Variants in IL1RAPL2 observed in about 807,000 individuals in gnomAD.
IL1RAPL2 encodes interleukin 1 receptor accessory protein like 2.
Under a neutral mutation model 44.1 loss-of-function variants are expected in IL1RAPL2, and 3 were observed. The ratio of observed to expected loss-of-function variants is 0.07; its 90% CI spans 0.03 to 0.18. IL1RAPL2 has a LOEUF of 0.18. Ranked by LOEUF, IL1RAPL2 falls within the 10% of genes least tolerant of loss-of-function variation. The probability of loss-of-function intolerance (pLI) is 1.00; values close to 1 mark genes in which losing one functional copy is unlikely to be tolerated. For synonymous variants in IL1RAPL2, 181 were observed against 178.8 expected (o/e 1.01, Z -0.10); for missense variants, 391 against 496.4 (o/e 0.79, Z 2.02).
At chrX:104,785,847 G>A in intron 2 of IL1RAPL2, among the ~76,000 whole-genome samples, 1 of 112,292 alleles carries the variant, frequency 8.9e-6, no homozygotes, top group East Asian at 2.8e-4. Flanking sequence ...AGAAGCAAAT[G>A]TCGTGCATGC....
intron 6 of IL1RAPL2, among the ~76,000 whole-genome samples, chrX:105,692,590 A>T (rs1405740942): frequency 9.0e-6 from 1 of 110,560 alleles, no homozygotes; most frequent in Non-Finnish European, 1.9e-5. Context: ...TACTCAGATA[A>T]TTACAAAGCA....
chrX:105,083,445 A>G (rs184093428), intron 2 of IL1RAPL2, among the ~76,000 whole-genome samples: 1 of 111,525 alleles, frequency 9.0e-6, no homozygotes, highest in African/African-American at 3.3e-5. Flanking sequence ...TTCAGGAAAT[A>G]CAGAGAATAC....
chrX:105,021,478 C>T (rs1293597942), intron 2 of IL1RAPL2, among the ~76,000 whole-genome samples: 3 of 110,850 alleles, frequency 2.7e-5, no homozygotes, highest in Non-Finnish European at 3.8e-5. Flanking sequence ...AATTATAGAC[C>T]GCTCTGCTGT....
intron 6 of IL1RAPL2, among the ~76,000 whole-genome samples, chrX:105,541,074 G>C (rs764199050): frequency 7.1e-4 from 75 of 105,300 alleles, no homozygotes; most frequent in Middle Eastern, 4.9e-3. Flanking sequence ...TAGGGCAATA[G>C]CTTCCTACCT....
chrX:104,907,441 G>A (rs1366373312), intron 2 of IL1RAPL2, among the ~76,000 whole-genome samples: 12 of 110,594 alleles, frequency 1.1e-4, no homozygotes, highest in Non-Finnish European at 2.1e-4. Flanking sequence ...TGGGCATTTA[G>A]TGCTATAAAT....
chrX:104,787,631 C>T (rs1374675291), intron 2 of IL1RAPL2, among the ~76,000 whole-genome samples: 2 of 111,446 alleles, frequency 1.8e-5, no homozygotes, highest in Non-Finnish European at 3.8e-5. Flanking sequence ...TTCTGTGGTA[C>T]ACTTACATGT....
intron 5 of IL1RAPL2, among the ~76,000 whole-genome samples, chrX:105,467,744 T>C (rs753002433): frequency 9.0e-6 from 1 of 111,482 alleles, no homozygotes; most frequent in Non-Finnish European, 1.9e-5. Context: ...ATTAAAGACA[T>C]GTGGTAAGTG....
chrX:104,842,723 T>C (rs1036590569), intron 2 of IL1RAPL2, among the ~76,000 whole-genome samples: 5 of 112,506 alleles, frequency 4.4e-5, no homozygotes, highest in African/African-American at 6.5e-5. Context: ...CAGTGGAGGC[T>C]GTAGAACAGC....
At chrX:105,012,300 C>G (rs1041133024) in intron 2 of IL1RAPL2, among the ~76,000 whole-genome samples, 15 of 110,204 alleles carry the variant, frequency 1.4e-4, no homozygotes, top group Middle Eastern at 4.7e-3. Context: ...ATGCACAAAT[C>G]AGTCCTTAAT....
At chrX:105,446,533 C>T (rs1240982239) in intron 5 of IL1RAPL2, among the ~76,000 whole-genome samples, 4 of 110,571 alleles carry the variant, frequency 3.6e-5, no homozygotes, top group Non-Finnish European at 7.6e-5. Context: ...AATTTAATTT[C>T]TTGATTTTTG....
At chrX:105,634,062 G>A (rs1279959482) in intron 6 of IL1RAPL2, among the ~76,000 whole-genome samples, 2 of 111,022 alleles carry the variant, frequency 1.8e-5, no homozygotes, top group Non-Finnish European at 3.8e-5. Context: ...AAAAGACTAT[G>A]GGCCTCAACT....
intron 2 of IL1RAPL2, among the ~76,000 whole-genome samples, chrX:105,032,505 G>T (rs370426903): frequency 2.7e-5 from 3 of 111,392 alleles, no homozygotes; most frequent in African/African-American, 9.8e-5. Flanking sequence ...TTCCGGAGCA[G>T]GTTGTTCACT....
intron 2 of IL1RAPL2, among the ~76,000 whole-genome samples, chrX:104,897,573 A>C (rs1017011883): frequency 2.7e-5 from 3 of 112,517 alleles, no homozygotes; most frequent in African/African-American, 9.7e-5. Context: ...AAAATTATCA[A>C]ACAATTTGTG....
chrX:104,896,479 G>T (rs1923652531), intron 2 of IL1RAPL2, among the ~76,000 whole-genome samples: 2 of 111,625 alleles, frequency 1.8e-5, no homozygotes, highest in African/African-American at 6.5e-5. Flanking sequence ...GGGGTGTCCT[G>T]TTTAGAGGGG....
At chrX:104,774,152 G>C (rs1932683769) in intron 2 of IL1RAPL2, among the ~76,000 whole-genome samples, 1 of 111,687 alleles carries the variant, frequency 9.0e-6, no homozygotes, top group Admixed American at 9.5e-5. Context: ...ATTCAGAGGT[G>C]AATGATAATT....
At chrX:105,058,930 G>A (rs1281903669) in intron 2 of IL1RAPL2, among the ~76,000 whole-genome samples, 1 of 111,311 alleles carries the variant, frequency 9.0e-6, no homozygotes, top group African/African-American at 3.3e-5. Flanking sequence ...AACAACATGA[G>A]GGTTGGGGCA....
At chrX:104,581,087 C>T in intron 1 of IL1RAPL2, among the ~76,000 whole-genome samples, 1 of 112,504 alleles carries the variant, frequency 8.9e-6, no homozygotes, top group Middle Eastern at 4.6e-3. Flanking sequence ...AATTATGCAT[C>T]TCTAAATATA....
chrX:105,382,427 T>C (rs75390310), intron 5 of IL1RAPL2, among the ~76,000 whole-genome samples: 9 of 109,185 alleles, frequency 8.2e-5, no homozygotes, highest in East Asian at 2.9e-4. Flanking sequence ...GAGATACCAC[T>C]TCACACCAGT....
intron 10 of IL1RAPL2, among the ~76,000 whole-genome samples, chrX:105,757,006 C>T (rs1374666521): frequency 9.0e-6 from 1 of 111,498 alleles, no homozygotes; most frequent in African/African-American, 3.3e-5. Context: ...TACATCTCCT[C>T]GATCATGTCA....
Sources: gnomAD v4.1 joint callset for allele counts (sites outside exome capture counted in the v4.1 genomes callset) on GRCh38, gnomAD v4.1.1 for gene constraint, MANE v1.5 for transcripts, NCBI Gene and HGNC (gene_info 2026-07-23, HGNC 2026-07-21) for gene names.